Variants in DPP10 observed in about 807,000 individuals in gnomAD.
The protein encoded by DPP10 is inactive dipeptidyl peptidase 10.
In DPP10, 33 loss-of-function variants were observed where a neutral mutation model predicts 120.9. The ratio of observed to expected loss-of-function variants is 0.27; its 90% CI spans 0.21 to 0.37. The LOEUF (loss-of-function observed/expected upper bound fraction) is 0.37, where lower values mean the gene tolerates loss of function less well. DPP10 is among the 10% of genes least tolerant of loss of function. The pLI is 1.00. For synonymous variants in DPP10, 337 were observed against 326.1 expected, an observed-to-expected ratio of 1.03 and a Z score of -0.36; for missense variants, 816 against 942.8, an observed-to-expected ratio of 0.87 and a Z score of 1.76.
intron 5 of DPP10, among the ~76,000 whole-genome samples, chr2:115,688,179 A>T (rs1281623552): frequency 6.6e-6 from 1 of 152,194 alleles, no homozygotes; most frequent in Non-Finnish European, 1.5e-5. Context: ...AGTAGACACC[A>T]GGAAAAATTA....
At chr2:114,751,456 T>C (rs1297829253) in intron 1 of DPP10, among the ~76,000 whole-genome samples, 1 of 152,214 alleles carries the variant, frequency 6.6e-6, no homozygotes, top group East Asian at 1.9e-4. Context: ...GAAATGACCT[T>C]CTGTGGACAT....
intron 1 of DPP10, among the ~76,000 whole-genome samples, chr2:114,827,930 T>A (rs1468766362): frequency 6.6e-6 from 1 of 152,244 alleles, no homozygotes; most frequent in African/African-American, 2.4e-5. Flanking sequence ...CATTTTCTTT[T>A]TTTACAATAA....
At chr2:115,141,698 T>C (rs1388993841) in intron 1 of DPP10, among the ~76,000 whole-genome samples, 1 of 152,246 alleles carries the variant, frequency 6.6e-6, no homozygotes, top group Non-Finnish European at 1.5e-5. Flanking sequence ...TGCTGTCTTA[T>C]ATACAGGTGT....
At chr2:114,739,356 A>G (rs1677791917) in intron 1 of DPP10, among the ~76,000 whole-genome samples, 1 of 152,232 alleles carries the variant, frequency 6.6e-6, no homozygotes, top group Non-Finnish European at 1.5e-5. Flanking sequence ...GCTAAGGTCA[A>G]TTTCTGATGT....
At chr2:115,730,564 T>C (rs2149652404) in intron 8 of DPP10, among the ~76,000 whole-genome samples, 1 of 152,340 alleles carries the variant, frequency 6.6e-6, no homozygotes, top group South Asian at 2.1e-4. Flanking sequence ...CTTATTGTGC[T>C]GCTCCGTCCC....
intron 3 of DPP10, among the ~76,000 whole-genome samples, chr2:115,378,959 T>A (rs1226647680): frequency 6.6e-6 from 1 of 152,234 alleles, no homozygotes; most frequent in African/African-American, 2.4e-5. Flanking sequence ...TTTGCCACTA[T>A]TTTATTGAGG....
chr2:114,604,077 C>T (rs758225311), intron 1 of DPP10, among the ~76,000 whole-genome samples: 1 of 152,060 alleles, frequency 6.6e-6, no homozygotes, highest in Non-Finnish European at 1.5e-5. Context: ...TGTGACAACA[C>T]ATAAATGCCT....
chr2:114,523,250 C>G (rs892023084), intron 1 of DPP10, among the ~76,000 whole-genome samples: 2 of 152,138 alleles, frequency 1.3e-5, no homozygotes, highest in Admixed American at 6.5e-5. Flanking sequence ...AGGGGCTGGA[C>G]TTTTGTTCCC....
chr2:115,738,344 C>T (rs1396338635), intron 8 of DPP10, among the ~76,000 whole-genome samples: 1 of 152,076 alleles, frequency 6.6e-6, no homozygotes, highest in African/African-American at 2.4e-5. Context: ...TTCAAGCTTT[C>T]TTTTTTCCTG....
At chr2:115,112,429 A>G (rs1012173478) in intron 1 of DPP10, among the ~76,000 whole-genome samples, 11 of 151,546 alleles carry the variant, frequency 7.3e-5, no homozygotes, top group Admixed American at 5.9e-4. Flanking sequence ...TGTTATTTTA[A>G]TTGACAAAAT....
At chr2:115,353,650 T>C (rs2064180299) in intron 3 of DPP10, among the ~76,000 whole-genome samples, 1 of 152,146 alleles carries the variant, frequency 6.6e-6, no homozygotes, top group Non-Finnish European at 1.5e-5. Flanking sequence ...TCTACTTTTC[T>C]AGGACACTTC....
chr2:115,336,243 C>A (rs961546167), intron 2 of DPP10, among the ~76,000 whole-genome samples: 1 of 151,930 alleles, frequency 6.6e-6, no homozygotes, highest in Non-Finnish European at 1.5e-5. Context: ...ATACCCATAG[C>A]AGTCTATGAT....
At chr2:114,469,519 G>A (rs1298015885) in intron 1 of DPP10, among the ~76,000 whole-genome samples, 1 of 152,036 alleles carries the variant, frequency 6.6e-6, no homozygotes, top group Non-Finnish European at 1.5e-5. Context: ...TAACCATACA[G>A]GAGTTTCAGA....
chr2:114,922,105 A>T (rs1296275749), intron 1 of DPP10, among the ~76,000 whole-genome samples: 1 of 152,232 alleles, frequency 6.6e-6, no homozygotes, highest in East Asian at 1.9e-4. Context: ...TACATACCAT[A>T]AAGTTAGCCC....
chr2:114,987,365 C>G (rs1245913075), intron 1 of DPP10, among the ~76,000 whole-genome samples: 2 of 152,132 alleles, frequency 1.3e-5, no homozygotes, highest in Non-Finnish European at 2.9e-5. Flanking sequence ...AAATAAGTAA[C>G]TCTCCTCTTG....
chr2:114,866,761 G>A (rs1450267450), intron 1 of DPP10, among the ~76,000 whole-genome samples: 2 of 152,174 alleles, frequency 1.3e-5, no homozygotes, highest in African/African-American at 4.8e-5. Context: ...GCATTTAGTA[G>A]CCTGTAACCT....
At chr2:114,507,546 C>G (rs1417975074) in intron 1 of DPP10, among the ~76,000 whole-genome samples, 8 of 152,092 alleles carry the variant, frequency 5.3e-5, no homozygotes, top group African/African-American at 1.9e-4. Context: ...CTTAAAAGTC[C>G]AGTATCACTG....
intron 1 of DPP10, among the ~76,000 whole-genome samples, chr2:114,944,193 T>A (rs4849361): frequency 0.99 from 150,140 of 152,252 alleles, 74,057 homozygotes; most frequent in Middle Eastern, 1. Flanking sequence ...ACATTTAAAG[T>A]AGATATTTCC....
chr2:115,492,331 C>T (rs2076169111), intron 3 of DPP10, among the ~76,000 whole-genome samples: 1 of 152,110 alleles, frequency 6.6e-6, no homozygotes, highest in African/African-American at 2.4e-5. Context: ...AAGAGAAAAG[C>T]AAAGAAGAGT....
Sources: gnomAD v4.1 joint callset for allele counts (sites outside exome capture counted in the v4.1 genomes callset) on GRCh38, gnomAD v4.1.1 for gene constraint, MANE v1.5 for transcripts, NCBI Gene and HGNC (gene_info 2026-07-23, HGNC 2026-07-21) for gene names.